Variants in EFHC2 observed in about 807,000 individuals in gnomAD.
EFHC2 encodes EF-hand domain-containing family member C2.
A neutral mutation model predicts 52.7 loss-of-function variants in EFHC2; 18 were observed. The ratio of observed to expected loss-of-function variants is 0.34; its 90% CI spans 0.24 to 0.51. The LOEUF (loss-of-function observed/expected upper bound fraction) is 0.51, where lower values mean the gene tolerates loss of function less well. Among genes scored for constraint, EFHC2 ranks in the 20% least tolerant of loss-of-function variants. The pLI, the probability that EFHC2 is intolerant of heterozygous loss-of-function variation, is 0.97. For missense variants in EFHC2, 513 were observed against 562.5 expected (o/e 0.91, Z 0.89); for synonymous variants, 203 against 204.1 (o/e 0.99, Z 0.04).
intron 11 of EFHC2, among the ~76,000 whole-genome samples, chrX:44,189,774 T>C (rs1252873433): frequency 9.0e-6 from 1 of 111,237 alleles, no homozygotes; most frequent in African/African-American, 3.3e-5. Context: ...AAGCCAGCTT[T>C]GGACAGCAGG....
chrX:44,298,407 G>A (rs1017691830), intron 2 of EFHC2, among the ~76,000 whole-genome samples: 1 of 111,750 alleles, frequency 8.9e-6, no homozygotes, highest in East Asian at 2.8e-4. Context: ...AAAAATGAAA[G>A]ACTAAGCTAT....
intron 11 of EFHC2, among the ~76,000 whole-genome samples, chrX:44,210,676 A>G (rs942421450): frequency 8.9e-6 from 1 of 112,609 alleles, no homozygotes; most frequent in African/African-American, 3.2e-5. Flanking sequence ...AATTAACTCA[A>G]AGTGGATCAT....
rs1461713220 is a variant in EFHC2 at position 44,188,324 on chromosome X, C to T, written c.1752-9760G>A. 2.7e-5 allele frequency among the ~76,000 whole-genome samples: 3 copies of T among 111,715 alleles called. 1 individual carries two copies. The Admixed American group carries it at 2.8e-4, about 11-fold the overall frequency. On this transcript the variant is annotated intron_variant, in intron 11 of 14. Coordinates refer to ENST00000420999, the MANE Select transcript of EFHC2 (RefSeq NM_025184.4). ...AATTCAACAAGTAAAAATGATGTCT[C>T]ATTTTAATCAATAATAATTTGATTA...
intron 1 of EFHC2, among the ~76,000 whole-genome samples, chrX:44,335,595 T>C (rs986573172): frequency 1.8e-5 from 2 of 111,878 alleles, no homozygotes; most frequent in African/African-American, 6.5e-5. Context: ...AATAATGTTA[T>C]TATTAATTAA....
intron 10 of EFHC2, among the ~76,000 whole-genome samples, chrX:44,231,869 A>G (rs1394406979): frequency 2.7e-5 from 3 of 112,126 alleles, no homozygotes; most frequent in East Asian, 2.8e-4. Flanking sequence ...GATTTTATCA[A>G]TATGTTATTT....
At chrX:44,246,260 A>G (rs1004518718) in intron 7 of EFHC2, among the ~76,000 whole-genome samples, 1 of 112,380 alleles carries the variant, frequency 8.9e-6, no homozygotes, top group African/African-American at 3.2e-5. Context: ...AAAGATTATC[A>G]GAGAACACTG....
chrX:44,157,854 C>T (rs2036620589), intron 14 of EFHC2, among the ~76,000 whole-genome samples: 2 of 108,672 alleles, frequency 1.8e-5, no homozygotes, highest in Admixed American at 1.0e-4. Context: ...TATAACCTCA[C>T]GGGTATAGGG....
At chrX:44,284,604 A>C (rs2147362772) in intron 2 of EFHC2, 1 of 111,729 alleles carries the variant, frequency 9.0e-6, no homozygotes, top group African/African-American at 3.3e-5. Context: ...GCTCCTCAAA[A>C]AGAGAAAGAG....
At chrX:44,340,030 A>G (rs2038142751) in intron 1 of EFHC2, among the ~76,000 whole-genome samples, 1 of 111,275 alleles carries the variant, frequency 9.0e-6, no homozygotes, top group South Asian at 3.7e-4. Context: ...ACGCACATAC[A>G]CACATGCACG....
intron 11 of EFHC2, among the ~76,000 whole-genome samples, chrX:44,195,947 C>G (rs1015675505): frequency 8.9e-5 from 10 of 111,860 alleles, no homozygotes; most frequent in Non-Finnish European, 1.9e-5. Flanking sequence ...CAGGGTCTCA[C>G]TCTGTTGTCC....
At chrX:44,235,945 C>A (rs1285207505) in intron 8 of EFHC2, among the ~76,000 whole-genome samples, 1 of 111,607 alleles carries the variant, frequency 9.0e-6, no homozygotes, top group East Asian at 2.8e-4. Flanking sequence ...AGCTCCCCAG[C>A]AACCCCCCAA....
intron 1 of EFHC2, among the ~76,000 whole-genome samples, chrX:44,340,840 A>G (rs1422267730): frequency 8.9e-6 from 1 of 112,359 alleles, no homozygotes; most frequent in Non-Finnish European, 1.9e-5. Context: ...AATGTGGAGC[A>G]ACAGGAACAT....
chrX:44,339,083 C>CCT (rs1369490331), intron 1 of EFHC2, among the ~76,000 whole-genome samples: 1 of 110,408 alleles, frequency 9.1e-6, no homozygotes, highest in African/African-American at 3.3e-5. Context: ...CCCAGCTACT[C>CCT]AGGAGGCTGA....
intron 11 of EFHC2, among the ~76,000 whole-genome samples, chrX:44,229,128 AT>A (rs1256776870): frequency 1.8e-5 from 2 of 111,917 alleles, no homozygotes; most frequent in Non-Finnish European, 1.9e-5. Flanking sequence ...ACTGTCATAT[AT>A]TTTTCCCTCG....
chrX:44,235,282 A>C, intron 9 of EFHC2, 23 bp downstream of exon 9: 1 of 1,108,444 alleles, frequency 9.0e-7, no homozygotes, highest in Non-Finnish European at 1.2e-6. Flanking sequence ...TCAAGAAAAT[A>C]CTGTGAAGAG....
chrX:44,177,194 C>T (rs757685738), intron 12 of EFHC2, among the ~76,000 whole-genome samples: 2 of 111,953 alleles, frequency 1.8e-5, no homozygotes, highest in East Asian at 5.6e-4. Context: ...GAAGGCAGGG[C>T]CAGGGCCATG....
At chrX:44,250,571 T>C (rs1313579284) in intron 4 of EFHC2, 126 bp from the exon 5 acceptor site, 27 of 837,610 alleles carry the variant, frequency 3.2e-5, no homozygotes, top group Non-Finnish European at 4.0e-5. Flanking sequence ...ATGCCTGTAA[T>C]CCCAGCATTT....
intron 12 of EFHC2, among the ~76,000 whole-genome samples, chrX:44,176,690 G>C (rs1317013569): frequency 1.8e-5 from 2 of 112,288 alleles, no homozygotes; most frequent in Non-Finnish European, 3.8e-5. Context: ...TAATTGATCT[G>C]CATTCTTGAC....
At chrX:44,324,469 T>C (rs2038040339) in intron 1 of EFHC2, among the ~76,000 whole-genome samples, 1 of 111,381 alleles carries the variant, frequency 9.0e-6, no homozygotes, top group African/African-American at 3.3e-5. Context: ...AAATCGGCTC[T>C]ATCTGGGCAG....
Sources: allele counts gnomAD v4.1 joint callset (sites outside exome capture counted in the v4.1 genomes callset), GRCh38; gene constraint gnomAD v4.1.1; transcripts MANE v1.5; gene names NCBI Gene and HGNC (gene_info 2026-07-23, HGNC 2026-07-21).